FHIP2A: variants seen among roughly 807,000 people sequenced by gnomAD.
FHIP2A encodes the protein FHF complex subunit HOOK interacting protein 2A.
In FHIP2A, 46 loss-of-function variants were observed where a neutral mutation model predicts 93.5. The observed-to-expected ratio is 0.49, with a 90% CI of 0.39 to 0.63. The LOEUF (loss-of-function observed/expected upper bound fraction) is 0.63. Ranked by LOEUF, FHIP2A falls within the 20% of genes least tolerant of loss-of-function variation. The pLI is 0.00. For missense variants in FHIP2A, 769 were observed against 909.7 expected (o/e 0.85, Z 1.99); for synonymous variants, 332 against 326.5 (o/e 1.02, Z -0.18).
At chr10:114,881,939 C>T (rs1175277152) in intron 16 of FHIP2A, among the ~76,000 whole-genome samples, 1 of 152,070 alleles carries the variant, frequency 6.6e-6, no homozygotes. Flanking sequence ...CGTGCACGTG[C>T]GCGTGTGTAT....
chr10:114,863,111 A>G lies in FHIP2A; in HGVS notation c.*1571A>G, dbSNP rs922096678. On this transcript the variant is annotated 3_prime_UTR_variant, in exon 17 of 17. Coordinates refer to ENST00000369248, the MANE Select transcript of FHIP2A (RefSeq NM_020940.4). ...AAAACAACAAAAAGACTAAACCTCT[A>G]ATTTCATGCAAATCTTTGTTAGCTT... 7.1e-5 allele frequency: 70 copies of G among 981,242 alleles called. No homozygotes were observed. The highest frequency in any genetic ancestry group is 8.1e-5 in the Non-Finnish European group (67 of 826,212). 60.8% of individuals were successfully genotyped at this position (981,242 alleles called of 1,614,324 possible). A position where few individuals can be genotyped will look rare whatever the true frequency, so the allele number is the denominator to read the frequency against.
intron 13 of FHIP2A, among the ~76,000 whole-genome samples, chr10:114,851,714 C>CA (rs60649106): frequency 0.1 from 8,543 of 81,602 alleles, 744 homozygotes; most frequent in African/African-American, 0.21. Flanking sequence ...TCCATTTCTG[C>CA]AAAAAAAAAA....
Position 114,836,259 on chromosome 10 carries a change from T to C in FHIP2A, c.522+13T>C. 6.4e-7 allele frequency: 1 copy of C among 1,560,070 alleles called. No homozygotes were observed. The highest frequency in any genetic ancestry group is 8.8e-7 in the Non-Finnish European group (1 of 1,142,042). On this transcript the variant is annotated intron_variant, in intron 5 of 16. Transcript: ENST00000369248. ...CTTTTTCCTAGAGGTATGATACACT[T>C]TTTATCAACTTTCAAACTGTAGTTA...
At chr10:114,833,996 A>G (rs1313687709) in intron 3 of FHIP2A, among the ~76,000 whole-genome samples, 2 of 152,194 alleles carry the variant, frequency 1.3e-5, no homozygotes, top group Admixed American at 1.3e-4. Context: ...ATCATTATTC[A>G]CACACTGTGA....
intron 16 of FHIP2A, among the ~76,000 whole-genome samples, chr10:114,869,802 C>G (rs2083848064): frequency 6.6e-6 from 1 of 152,060 alleles, no homozygotes; most frequent in Non-Finnish European, 1.5e-5. Flanking sequence ...GGGTGTTTTT[C>G]TTTGGAATTT....
chr10:114,835,746 A>G (rs1353796063), intron 4 of FHIP2A, 105 bp downstream of exon 4: 3 of 714,518 alleles, frequency 4.2e-6, no homozygotes, highest in Non-Finnish European at 4.4e-6. Flanking sequence ...TTATTCCAAA[A>G]TTAACATGCA....
At chr10:114,854,469 G>A (rs188558185) in intron 13 of FHIP2A, among the ~76,000 whole-genome samples, 70 of 151,310 alleles carry the variant, frequency 4.6e-4, no homozygotes, top group African/African-American at 1.6e-3. Context: ...TCCATCCTGG[G>A]CAACAAGAGC....
At chr10:114,848,812 C>T in intron 13 of FHIP2A, 75 bp downstream of exon 13, 1 of 900,206 alleles carries the variant, frequency 1.1e-6, no homozygotes, top group Non-Finnish European at 1.8e-6. Flanking sequence ...CACTGCCCAC[C>T]ACCACTGCTC....
intron 5 of FHIP2A, among the ~76,000 whole-genome samples, chr10:114,838,174 ATGT>A (rs2083647474): frequency 6.6e-6 from 1 of 152,142 alleles, no homozygotes; most frequent in Non-Finnish European, 1.5e-5. Flanking sequence ...TCAGCACTGG[ATGT>A]TGTTAGGTCT....
intron 6 of FHIP2A, among the ~76,000 whole-genome samples, 162 bp downstream of exon 6, chr10:114,843,388 C>G (rs1303748625): frequency 1.3e-5 from 2 of 151,508 alleles, no homozygotes; most frequent in Admixed American, 6.6e-5. Context: ...TCACTGCAAC[C>G]TCCGCCTCTG....
chr10:114,836,876 T>C (rs190017909), intron 5 of FHIP2A, among the ~76,000 whole-genome samples: 9 of 152,324 alleles, frequency 5.9e-5, no homozygotes, highest in Admixed American at 5.9e-4. Flanking sequence ...ATGTTGTTTT[T>C]GTCCTTGTTT....
At chr10:114,873,224 T>C in intron 16 of FHIP2A, among the ~76,000 whole-genome samples, 1 of 152,250 alleles carries the variant, frequency 6.6e-6, no homozygotes, top group East Asian at 1.9e-4. Context: ...TTGGCAGTTT[T>C]GAGGAGTATT....
intron 5 of FHIP2A, among the ~76,000 whole-genome samples, chr10:114,837,766 C>T (rs2083644494): frequency 1.3e-5 from 2 of 152,072 alleles, no homozygotes; most frequent in African/African-American, 4.8e-5. Context: ...TTCTCTTTCC[C>T]AAAAAGTCAT....
chr10:114,875,511 A>G (rs1014526467), intron 16 of FHIP2A, among the ~76,000 whole-genome samples: 3 of 152,024 alleles, frequency 2.0e-5, no homozygotes, highest in African/African-American at 4.8e-5. Context: ...CCTAGCCAAC[A>G]TGGTGAAACC....
chr10:114,883,900 A>G (rs2083929364), intron 16 of FHIP2A, among the ~76,000 whole-genome samples: 1 of 152,144 alleles, frequency 6.6e-6, no homozygotes, highest in South Asian at 2.1e-4. Flanking sequence ...AGATTTTCTT[A>G]AACTGCAGGG....
intron 2 of FHIP2A, among the ~76,000 whole-genome samples, chr10:114,832,603 G>GC (rs1364804082): frequency 1.3e-5 from 2 of 151,804 alleles, no homozygotes; most frequent in African/African-American, 4.8e-5. Flanking sequence ...GAACATTTTT[G>GC]ATGTGACATG....
chr10:114,845,188 A>AT (rs1421930991), intron 7 of FHIP2A, among the ~76,000 whole-genome samples, 179 bp from the exon 8 acceptor site: 1 of 151,894 alleles, frequency 6.6e-6, no homozygotes, highest in Non-Finnish European at 1.5e-5. Context: ...TATTTAAAAG[A>AT]TTTTCTCTTA....
downstream of FHIP2A, among the ~76,000 whole-genome samples, chr10:114,868,524 T>C (rs2083841660): frequency 1.3e-5 from 2 of 151,958 alleles, no homozygotes; most frequent in Non-Finnish European, 2.9e-5. Context: ...AGTCAATATA[T>C]TGAGGAACTG....
chr10:114,863,684 G>T lies in FHIP2A; in HGVS notation c.*2144G>T, dbSNP rs2083813743. The T allele has an allele frequency of 7.7e-7, 1 of 1,302,096 alleles. No homozygotes were observed. Among genetic ancestry groups the T allele is most frequent in the African/African-American group, 1.5e-5 (1 of 65,760 alleles). The allele number at this position is 1,302,096 out of a possible 1,614,324, so 80.7% of individuals were successfully genotyped here. On this transcript the variant is annotated 3_prime_UTR_variant, in exon 17 of 17. Coordinates refer to ENST00000369248, the MANE Select transcript of FHIP2A (RefSeq NM_020940.4). ...GAGCCAGTAGAAGCTCTCACAGTGA[G>T]TTCAATTTGTTAGTGAAACATTGTA...
Sources: allele counts gnomAD v4.1 joint callset (sites outside exome capture counted in the v4.1 genomes callset), GRCh38; gene constraint gnomAD v4.1.1; transcripts MANE v1.5; gene names NCBI Gene and HGNC (gene_info 2026-07-23, HGNC 2026-07-21).